The following SLCO2A1 variants were observed in gnomAD, a reference collection of about 807,000 sequenced individuals.
The protein encoded by SLCO2A1 is solute carrier organic anion transporter family member 2A1, also known as matrin F/G 1.
A neutral mutation model predicts 71.7 loss-of-function variants in SLCO2A1; 60 were observed. The ratio of observed to expected loss-of-function variants is 0.84; its 90% CI spans 0.68 to 1.04. SLCO2A1 has a LOEUF of 1.04. Among genes scored for constraint, SLCO2A1 ranks in the 50% least tolerant of loss-of-function variants. The pLI, the probability that SLCO2A1 is intolerant of heterozygous loss-of-function variation, is 0.00. For missense variants in SLCO2A1, 745 were observed against 813.4 expected, an observed-to-expected ratio of 0.92 and a Z score of 1.02; for synonymous variants, 308 against 326.7, an observed-to-expected ratio of 0.94 and a Z score of 0.62.
chr3:134,005,574 C>T (rs190530605), intron 1 of SLCO2A1, among the ~76,000 whole-genome samples: 3 of 151,322 alleles, frequency 2.0e-5, no homozygotes, highest in Non-Finnish European at 2.9e-5. Flanking sequence ...CTCCGCTTCC[C>T]GGGTTCACGC....
chr3:134,028,058 A>G lies in SLCO2A1; in HGVS notation c.96+1649T>C, dbSNP rs984558535. On this transcript the variant is annotated intron_variant, in intron 1 of 13. Transcript: ENST00000310926. ...TGTGGTTAAATCATCAACACATGAG[A>G]AATCATCTTATTTATATAGATCTCC... 2.6e-5 allele frequency among the ~76,000 whole-genome samples: 4 copies of G among 152,216 alleles called. No individual in the cohort carries two copies. In the East Asian group the frequency reaches 7.7e-4, roughly 29 times the overall value.
At position 133,968,221 on chromosome 3, in the gene SLCO2A1, C is replaced by G. The variant is rs534212439; in HGVS notation, c.397+5442G>C. On this transcript the variant is annotated intron_variant, in intron 3 of 13. Transcript: ENST00000310926. ...CACCTACCTCCCCTCCGCACCCACA[C>G]ACCTCCTCACCTACTTAGCTTCCTA... 1.2e-4 allele frequency among the ~76,000 whole-genome samples: 18 copies of G among 151,332 alleles called. No individual in the cohort carries two copies. The South Asian group carries it at 1.5e-3, about 12-fold the overall frequency.
chr3:133,950,511 C>T (rs1933716334), intron 6 of SLCO2A1, among the ~76,000 whole-genome samples: 1 of 152,168 alleles, frequency 6.6e-6, no homozygotes, highest in Admixed American at 6.5e-5. Flanking sequence ...CTGCACTGGC[C>T]TCTTCAGATC....
At chr3:133,959,409 A>C (rs1187741550) in intron 3 of SLCO2A1, among the ~76,000 whole-genome samples, 5 of 152,070 alleles carry the variant, frequency 3.3e-5, no homozygotes, top group Admixed American at 1.3e-4. Flanking sequence ...AAAAAAAAAA[A>C]AACAGAAAAC....
intron 1 of SLCO2A1, among the ~76,000 whole-genome samples, chr3:134,025,669 A>G (rs997104532): frequency 6.6e-6 from 1 of 152,136 alleles, no homozygotes; most frequent in Non-Finnish European, 1.5e-5. Flanking sequence ...TAAAAAAAAA[A>G]TGAAAAAGAT....
intron 1 of SLCO2A1, among the ~76,000 whole-genome samples, chr3:134,024,180 T>C (rs1935652298): frequency 6.6e-6 from 1 of 152,246 alleles, no homozygotes; most frequent in Non-Finnish European, 1.5e-5. Flanking sequence ...GTGGCACTTG[T>C]ACTTTAGTCC....
intron 3 of SLCO2A1, among the ~76,000 whole-genome samples, chr3:133,968,380 T>G (rs1363824192): frequency 6.6e-6 from 1 of 151,928 alleles, no homozygotes; most frequent in Non-Finnish European, 1.5e-5. Flanking sequence ...CATAGGTGGG[T>G]GTTCACTGTG....
chr3:133,980,860 C>T (rs748582643), intron 1 of SLCO2A1, among the ~76,000 whole-genome samples: 6 of 152,182 alleles, frequency 3.9e-5, no homozygotes, highest in Non-Finnish European at 5.9e-5. Context: ...GGTCTTTACA[C>T]CCACAAAACC....
intron 3 of SLCO2A1, among the ~76,000 whole-genome samples, chr3:133,970,453 A>T (rs1657051557): frequency 6.6e-6 from 1 of 152,254 alleles, no homozygotes; most frequent in African/African-American, 2.4e-5. Context: ...ACCTTGCATG[A>T]TTCAAAACTA....
intron 2 of SLCO2A1, among the ~76,000 whole-genome samples, chr3:133,974,330 T>C (rs560399246): frequency 2.6e-4 from 39 of 152,342 alleles, no homozygotes; most frequent in African/African-American, 9.1e-4. Context: ...TTATCTCATT[T>C]AATCATGAAA....
intron 1 of SLCO2A1, among the ~76,000 whole-genome samples, chr3:134,011,566 G>T (rs528086728): frequency 6.6e-6 from 1 of 152,348 alleles, no homozygotes; most frequent in South Asian, 2.1e-4. Flanking sequence ...AGGTGGAGTA[G>T]TTGCCATATA....
intron 1 of SLCO2A1, among the ~76,000 whole-genome samples, chr3:134,013,874 G>A (rs2108075903): frequency 6.6e-6 from 1 of 152,144 alleles, no homozygotes; most frequent in South Asian, 2.1e-4. Context: ...CAGGAGTCAG[G>A]CCACATCCCC....
chr3:134,025,750 T>C (rs1385010391), intron 1 of SLCO2A1, among the ~76,000 whole-genome samples: 1 of 152,080 alleles, frequency 6.6e-6, no homozygotes, highest in Non-Finnish European at 1.5e-5. Flanking sequence ...TTAGAGCTAG[T>C]AATAACCAAT....
chr3:133,941,933 G>A (rs1327333198), intron 11 of SLCO2A1, among the ~76,000 whole-genome samples: 1 of 152,118 alleles, frequency 6.6e-6, no homozygotes, highest in Non-Finnish European at 1.5e-5. Context: ...CAGGCAGCCT[G>A]GCTTCAACAC....
Position 134,029,735 on chromosome 3 carries a change from C to A in SLCO2A1, c.68G>T (p.Cys23Phe), listed in dbSNP as rs894501438. The A allele has an allele frequency of 6.3e-7, 1 of 1,590,020 alleles. No homozygotes were observed. ...AATGTTGCCGAAGACCGAGCGGGCA[C>A]AGCGGCCGGCTCGGCTAGTAGAGGT... ...SDTSTSRAGR[C>F]ARSVFGNIKV... is the part of the protein sequence containing the mutation. The change falls in exon 1 of 14, where the codon TGT becomes TTT. Residue 23 changes from cysteine to phenylalanine, a missense_variant. Coordinates refer to ENST00000310926, the MANE Select transcript of SLCO2A1 (RefSeq NM_005630.3).
At chr3:133,992,944 GGTGCTGTCATGA>G (rs1423183940) in intron 1 of SLCO2A1, among the ~76,000 whole-genome samples, 1 of 152,146 alleles carries the variant, frequency 6.6e-6, no homozygotes, top group African/African-American at 2.4e-5. Context: ...CATGAGTGTG[GGTGCTGTCATGA>G]GTGCTGTCAC....
intron 1 of SLCO2A1, among the ~76,000 whole-genome samples, chr3:133,982,659 C>T (rs757449461): frequency 2.0e-5 from 3 of 152,168 alleles, no homozygotes; most frequent in African/African-American, 4.8e-5. Flanking sequence ...CCCATGGTCT[C>T]TTCTTGGTGT....
intron 1 of SLCO2A1, among the ~76,000 whole-genome samples, chr3:133,984,449 T>G (rs1391151338): frequency 6.6e-6 from 1 of 152,064 alleles, no homozygotes; most frequent in Non-Finnish European, 1.5e-5. Context: ...GGGATCAGAT[T>G]GATGGCTGCA....
At chr3:133,941,068 G>C (rs557483057) in intron 11 of SLCO2A1, among the ~76,000 whole-genome samples, 1 of 152,258 alleles carries the variant, frequency 6.6e-6, no homozygotes, top group Admixed American at 6.5e-5. Context: ...CTGTAATAAA[G>C]TATTTTGTCT....
Sources: allele counts gnomAD v4.1 joint callset (sites outside exome capture counted in the v4.1 genomes callset), GRCh38; gene constraint gnomAD v4.1.1; transcripts MANE v1.5; gene names NCBI Gene and HGNC (gene_info 2026-07-23, HGNC 2026-07-21).